ZP3: variants seen among roughly 807,000 people sequenced by gnomAD.
ZP3 encodes the protein zona pellucida glycoprotein 3, also known as zona pellucida sperm-binding protein 3.
Under a neutral mutation model 35.6 loss-of-function variants are expected in ZP3, and 21 were observed. That is an observed-to-expected ratio of 0.59 (90% CI 0.42 to 0.85). The LOEUF is 0.85. ZP3 is among the 40% of genes least tolerant of loss of function. ZP3 has a pLI of 0.00. For missense variants in ZP3, 437 were observed against 536.5 expected (o/e 0.81, Z 1.83); for synonymous variants, 207 against 214.5 (o/e 0.96, Z 0.31).
chr7:76,421,479 C>G (rs10234197), upstream of ZP3, among the ~76,000 whole-genome samples: 13,114 of 152,006 alleles, frequency 0.086, 1,115 homozygotes, highest in African/African-American at 0.21. Context: ...GTCTCGAACT[C>G]CTGGGCTCAA....
chr7:76,416,569 G>A (rs1805374581), intron 1 of ZP3, among the ~76,000 whole-genome samples: 1 of 151,944 alleles, frequency 6.6e-6, no homozygotes, highest in South Asian at 2.1e-4. Flanking sequence ...CACTTTGGGA[G>A]GCTGAGGCAA....
chr7:76,421,894 T>C (rs1584051667), upstream of ZP3, among the ~76,000 whole-genome samples: 1 of 122,734 alleles, frequency 8.1e-6, no homozygotes, highest in Admixed American at 7.6e-5. Flanking sequence ...CAGTAGACTT[T>C]TGTTGTTGTT....
intron 5 of ZP3, among the ~76,000 whole-genome samples, chr7:76,436,352 G>A (rs1417806891): frequency 6.6e-6 from 1 of 151,982 alleles, no homozygotes. Flanking sequence ...CGGCCTGCTA[G>A]CATTTTACTG....
chr7:76,400,990 G>T, intron 1 of ZP3: 1 of 1,551,088 alleles, frequency 6.4e-7, no homozygotes, highest in Non-Finnish European at 8.7e-7. Flanking sequence ...GTGAGGAAGG[G>T]CGGGGTGGGG....
At chr7:76,401,324 AC>A (rs1468270582) in intron 1 of ZP3, among the ~76,000 whole-genome samples, 1 of 151,918 alleles carries the variant, frequency 6.6e-6, no homozygotes, top group Non-Finnish European at 1.5e-5. Flanking sequence ...TCCCATAATG[AC>A]CCCTGTTACC....
Position 76,441,813 on chromosome 7 carries a change from A to G in ZP3, c.1061-29A>G, listed in dbSNP as rs1168069495. ...CAGTTCCCGGTTAGGGACTAAGATA[A>G]CCCTTGGTTGTGTGTTCTCCTTTCA... is the stretch of plus-strand genomic sequence containing the variant. On this transcript the variant is annotated intron_variant, in intron 7 of 7. Coordinates refer to ENST00000394857, the MANE Select transcript of ZP3 (RefSeq NM_001110354.2). The G allele has an allele frequency of 2.9e-5, 47 of 1,613,716 alleles. No homozygotes were observed. In the Admixed American group the frequency reaches 7.7e-4, roughly 26 times the overall value.
chr7:76,411,818 A>C (rs60266406), intron 1 of ZP3, among the ~76,000 whole-genome samples: 6,341 of 152,274 alleles, frequency 0.042, 401 homozygotes, highest in African/African-American at 0.14. Flanking sequence ...GAGAAATGAA[A>C]ACTTACATCT....
intron 1 of ZP3, among the ~76,000 whole-genome samples, chr7:76,405,630 A>C (rs576040563): frequency 2.6e-5 from 4 of 152,154 alleles, no homozygotes; most frequent in African/African-American, 9.6e-5. Context: ...GGTCAGCTTC[A>C]GGGGAAAATG....
chr7:76,426,572 G>A (rs1805658418), intron 1 of ZP3, among the ~76,000 whole-genome samples: 1 of 152,112 alleles, frequency 6.6e-6, no homozygotes, highest in Non-Finnish European at 1.5e-5. Flanking sequence ...AGCTGCAGGA[G>A]TTACTTGAGG....
chr7:76,422,824 C>T (rs567050492), upstream of ZP3, among the ~76,000 whole-genome samples: 64 of 151,416 alleles, frequency 4.2e-4, no homozygotes, highest in Middle Eastern at 3.4e-3. Context: ...ATGGTGAAAC[C>T]CCGTCTTTAC....
chr7:76,421,733 T>A (rs1584051551), upstream of ZP3, among the ~76,000 whole-genome samples: 1 of 151,958 alleles, frequency 6.6e-6, no homozygotes, highest in East Asian at 1.9e-4. Flanking sequence ...TAGCTGGGAC[T>A]ACAGGCATGA....
chr7:76,416,941 CATACATATATATATAT>C (rs1449339742), intron 1 of ZP3, among the ~76,000 whole-genome samples: 1 of 77,242 alleles, frequency 1.3e-5, no homozygotes, highest in East Asian at 4.4e-4. Context: ...CATATGTATA[CATACATATATATATAT>C]ATATATATAT....
chr7:76,436,951 C>T (rs1417062477), intron 5 of ZP3, among the ~76,000 whole-genome samples: 1 of 152,010 alleles, frequency 6.6e-6, no homozygotes, highest in South Asian at 2.1e-4. Context: ...TGGAGGGCCC[C>T]CCTTCAAAGG....
intron 2 of ZP3, among the ~76,000 whole-genome samples, chr7:76,431,640 C>CTA (rs1805826790): frequency 6.6e-6 from 1 of 152,164 alleles, no homozygotes; most frequent in African/African-American, 2.4e-5. Flanking sequence ...TGGCTCACGC[C>CTA]TATAATCCCA....
At chr7:76,417,053 T>TTTTG (rs1216891015) in intron 1 of ZP3, among the ~76,000 whole-genome samples, 2 of 150,300 alleles carry the variant, frequency 1.3e-5, no homozygotes, top group Non-Finnish European at 3.0e-5. Context: ...CCCTTTCAGT[T>TTTTG]TTTGTTTGTT....
At chr7:76,438,457 C>CT (rs1332923969) in intron 5 of ZP3, among the ~76,000 whole-genome samples, 3 of 149,076 alleles carry the variant, frequency 2.0e-5, no homozygotes, top group Non-Finnish European at 3.0e-5. Context: ...ACTTGGGAGG[C>CT]TGAGGCAAGA....
chr7:76,416,740 A>T (rs1449593137), intron 1 of ZP3, among the ~76,000 whole-genome samples: 1 of 151,846 alleles, frequency 6.6e-6, no homozygotes, highest in East Asian at 1.9e-4. Flanking sequence ...CACAGGCTTC[A>T]GTGAGCCAAG....
In ZP3 at chr7:76,425,327, C is replaced by A. The variant is rs2286429; in HGVS notation, c.312+51C>A. 441 of 1,548,506 alleles carry A rather than the reference C, an allele frequency of 2.8e-4. No individual in the cohort carries two copies. The East Asian group carries it at 3.9e-3, about 14-fold the overall frequency. ...TTGGTGGGAGGATGTTCGAGGCAGC[C>A]GGGTATGGGGACTGTGGCCACCATC... On this transcript the variant is annotated intron_variant, in intron 1 of 7. Transcript: ENST00000394857.
chr7:76,399,077 T>A (rs1409411484), intron 1 of ZP3, among the ~76,000 whole-genome samples: 2 of 152,130 alleles, frequency 1.3e-5, no homozygotes, highest in Non-Finnish European at 2.9e-5. Flanking sequence ...AATGGTGCAA[T>A]CTCAGCTTGC....
Sources: allele counts gnomAD v4.1 joint callset (sites outside exome capture counted in the v4.1 genomes callset), GRCh38; gene constraint gnomAD v4.1.1; transcripts MANE v1.5; gene names NCBI Gene and HGNC (gene_info 2026-07-23, HGNC 2026-07-21).